The following QTMAN variants were observed in gnomAD, a reference collection of about 807,000 sequenced individuals.
QTMAN encodes the protein queuosine-tRNA mannosyltransferase.
chr2:144,272,711 A>ATG, the QTMAN span, among the ~76,000 whole-genome samples: 9 of 151,890 alleles, frequency 5.9e-5, no homozygotes, highest in African/African-American at 1.7e-4. Context: ...AATCTACATT[A>ATG]TGTGTGTGTG....
the QTMAN span, chr2:144,179,101 T>C: frequency 5.9e-6 from 2 of 339,408 alleles, no homozygotes; most frequent in Non-Finnish European, 1.2e-5. Flanking sequence ...CAGATTACCC[T>C]CAACTAGAAT....
the QTMAN span, among the ~76,000 whole-genome samples, chr2:144,005,422 T>C: frequency 6.6e-6 from 1 of 152,076 alleles, no homozygotes; most frequent in Non-Finnish European, 1.5e-5. Context: ...AAATTAGTTC[T>C]CTTGTCAGCT....
the QTMAN span, among the ~76,000 whole-genome samples, chr2:144,299,061 G>A: frequency 6.6e-6 from 1 of 152,072 alleles, no homozygotes; most frequent in Non-Finnish European, 1.5e-5. Context: ...ACAGAGAAGA[G>A]TGCAATTACT....
At chr2:144,110,764 C>A in the QTMAN span, among the ~76,000 whole-genome samples, 16 of 148,498 alleles carry the variant, frequency 1.1e-4, no homozygotes, top group Admixed American at 2.0e-4. Context: ...AAACTCTTTG[C>A]AACTTATTTC....
chr2:144,256,700 G>A, the QTMAN span, among the ~76,000 whole-genome samples: 2 of 152,022 alleles, frequency 1.3e-5, no homozygotes, highest in East Asian at 1.9e-4. Context: ...GGGCCCATCG[G>A]CGGGTGGAGG....
the QTMAN span, among the ~76,000 whole-genome samples, chr2:143,961,110 T>C: frequency 6.6e-6 from 1 of 152,172 alleles, no homozygotes; most frequent in Non-Finnish European, 1.5e-5. Flanking sequence ...GTTCATTTCA[T>C]GGCAGCATAT....
chr2:143,945,957 G>A, the QTMAN span: 10 of 152,278 alleles, frequency 6.6e-5, no homozygotes, highest in South Asian at 1.2e-3. Flanking sequence ...CAAGGAAAAC[G>A]TTCAGTGAGA....
chr2:144,299,476 C>CTA, the QTMAN span, among the ~76,000 whole-genome samples: 9 of 152,074 alleles, frequency 5.9e-5, no homozygotes, highest in African/African-American at 2.2e-4. Flanking sequence ...GGCGTATTCT[C>CTA]TATATATATA....
At chr2:144,160,007 C>A in the QTMAN span, among the ~76,000 whole-genome samples, 5 of 152,044 alleles carry the variant, frequency 3.3e-5, no homozygotes, top group East Asian at 9.7e-4. Context: ...AATTCCATAA[C>A]AGTACACGTA....
At chr2:144,007,360 G>T in the QTMAN span, 159 of 1,613,140 alleles carry the variant, frequency 9.9e-5, no homozygotes, top group African/African-American at 1.9e-3. Context: ...AAATATTCTT[G>T]TCGTGCAGTA....
At chr2:144,126,294 A>C in the QTMAN span, among the ~76,000 whole-genome samples, 1 of 151,890 alleles carries the variant, frequency 6.6e-6, no homozygotes, top group African/African-American at 2.4e-5. Context: ...TTAAAAAAAA[A>C]AACAATAACA....
the QTMAN span, among the ~76,000 whole-genome samples, chr2:144,032,805 C>G: frequency 2.0e-5 from 3 of 152,148 alleles, no homozygotes; most frequent in African/African-American, 7.2e-5. Context: ...AGTAGAGAAA[C>G]TACTTTTCTG....
At chr2:144,296,214 T>C in the QTMAN span, among the ~76,000 whole-genome samples, 3 of 152,198 alleles carry the variant, frequency 2.0e-5, no homozygotes, top group African/African-American at 7.2e-5. Context: ...AGGAATAATT[T>C]GTGTTGCTAA....
the QTMAN span, among the ~76,000 whole-genome samples, chr2:144,301,732 A>G: frequency 6.6e-6 from 1 of 152,138 alleles, no homozygotes; most frequent in Admixed American, 6.5e-5. Context: ...TGCTTTCTGG[A>G]GGAAATGCAA....
the QTMAN span, among the ~76,000 whole-genome samples, chr2:144,094,515 T>C: frequency 6.6e-6 from 1 of 152,144 alleles, no homozygotes; most frequent in Non-Finnish European, 1.5e-5. Flanking sequence ...CTTATAATCA[T>C]GGCAGAAGGC....
the QTMAN span, among the ~76,000 whole-genome samples, chr2:144,279,363 C>T: frequency 1.4e-5 from 2 of 147,276 alleles, no homozygotes; most frequent in Admixed American, 6.8e-5. Flanking sequence ...ACTGCATCTC[C>T]TCACCGCAAG....
At chr2:143,952,053 G>C in the QTMAN span, 1 of 1,602,746 alleles carries the variant, frequency 6.2e-7, no homozygotes, top group South Asian at 1.1e-5. Flanking sequence ...AGCTGTTCAG[G>C]TGTAGAATAC....
chr2:144,214,043 G>C, the QTMAN span, among the ~76,000 whole-genome samples: 2 of 152,068 alleles, frequency 1.3e-5, no homozygotes, highest in Non-Finnish European at 2.9e-5. Context: ...GAAACCCCAA[G>C]TTGTTAAAAT....
At chr2:144,146,708 G>A in the QTMAN span, among the ~76,000 whole-genome samples, 1 of 152,006 alleles carries the variant, frequency 6.6e-6, no homozygotes, top group African/African-American at 2.4e-5. Context: ...ACAAAAGAGG[G>A]ACAAAGTACA....
Sources: gnomAD v4.1 joint callset for allele counts (sites outside exome capture counted in the v4.1 genomes callset) on GRCh38, gnomAD v4.1.1 for gene constraint, MANE v1.5 for transcripts, NCBI Gene and HGNC (gene_info 2026-07-23, HGNC 2026-07-21) for gene names.